Variants in SOX5 observed in about 807,000 individuals in gnomAD.
The protein encoded by SOX5 is transcription factor SOX-5.
Under a neutral mutation model 92.0 loss-of-function variants are expected in SOX5, and 9 were observed. The observed-to-expected ratio is 0.10, with a 90% CI of 0.06 to 0.17. The LOEUF (loss-of-function observed/expected upper bound fraction) is 0.17, where lower values mean the gene tolerates loss of function less well. Ranked by LOEUF, SOX5 falls within the 10% of genes least tolerant of loss-of-function variation. The probability of loss-of-function intolerance (pLI) is 1.00; values close to 1 mark genes in which losing one functional copy is unlikely to be tolerated. For missense variants in SOX5, 642 were observed against 944.5 expected, an observed-to-expected ratio of 0.68 and a Z score of 4.20; for synonymous variants, 344 against 336.3, an observed-to-expected ratio of 1.02 and a Z score of -0.25.
intron 6 of SOX5, among the ~76,000 whole-genome samples, chr12:23,672,241 C>T (rs537534252): frequency 3.3e-5 from 5 of 152,260 alleles, no homozygotes; most frequent in Non-Finnish European, 7.4e-5. Context: ...ATTCCTACCC[C>T]TCCTAAATGA....
intron 1 of SOX5, among the ~76,000 whole-genome samples, chr12:24,377,624 GTAC>G (rs760676090): frequency 1.3e-4 from 20 of 152,154 alleles, no homozygotes; most frequent in Non-Finnish European, 2.2e-4. Context: ...TGGAACCCAA[GTAC>G]CCTCTTTTCC....
At chr12:23,912,539 G>A (rs536252804) in intron 1 of SOX5, among the ~76,000 whole-genome samples, 2 of 152,180 alleles carry the variant, frequency 1.3e-5, no homozygotes, top group South Asian at 2.1e-4. Flanking sequence ...TGTACCCAAA[G>A]GTACATAACA....
At chr12:23,994,636 A>T (rs1358066108) in intron 4 of SOX5, among the ~76,000 whole-genome samples, 1 of 152,122 alleles carries the variant, frequency 6.6e-6, no homozygotes, top group African/African-American at 2.4e-5. Context: ...AAACTCACAC[A>T]TGAGCATGGT....
At chr12:24,298,522 T>A (rs1005921971) in intron 2 of SOX5, among the ~76,000 whole-genome samples, 22 of 152,176 alleles carry the variant, frequency 1.4e-4, no homozygotes, top group African/African-American at 4.8e-4. Flanking sequence ...TGGAGATGAG[T>A]AATAGGGCCA....
At chr12:24,459,133 C>T (rs1217989667) in intron 1 of SOX5, among the ~76,000 whole-genome samples, 2 of 152,194 alleles carry the variant, frequency 1.3e-5, no homozygotes, top group African/African-American at 4.8e-5. Flanking sequence ...GTCACTAAAG[C>T]TACCTTTCTT....
chr12:23,955,093 G>A (rs1224554828), upstream of SOX5, among the ~76,000 whole-genome samples: 1 of 152,018 alleles, frequency 6.6e-6, no homozygotes, highest in Non-Finnish European at 1.5e-5. Context: ...CAGGGCTGGA[G>A]AACATCAAAA....
At chr12:23,818,967 C>A (rs1594755994) in intron 3 of SOX5, among the ~76,000 whole-genome samples, 1 of 152,110 alleles carries the variant, frequency 6.6e-6, no homozygotes, top group East Asian at 1.9e-4. Flanking sequence ...ACAATGCCTT[C>A]TTCTGGAATA....
chr12:23,941,367 G>A (rs1477209413), intron 1 of SOX5, among the ~76,000 whole-genome samples: 2 of 151,490 alleles, frequency 1.3e-5, no homozygotes, highest in African/African-American at 4.8e-5. Flanking sequence ...AAAGCACTAA[G>A]TGTTCTTAAA....
intron 4 of SOX5, among the ~76,000 whole-genome samples, chr12:24,088,547 T>C (rs890648158): frequency 2.0e-5 from 3 of 151,890 alleles, no homozygotes; most frequent in Non-Finnish European, 4.4e-5. Context: ...ATTTGATAAC[T>C]TGAATCTAAG....
chr12:23,839,172 G>T (rs2096480539), intron 3 of SOX5, among the ~76,000 whole-genome samples: 1 of 151,900 alleles, frequency 6.6e-6, no homozygotes, highest in African/African-American at 2.4e-5. Context: ...AATGTCTCCT[G>T]CTAAGAAAAT....
chr12:23,694,852 C>G (rs1244852462), intron 6 of SOX5, among the ~76,000 whole-genome samples: 2 of 152,198 alleles, frequency 1.3e-5, no homozygotes, highest in African/African-American at 4.8e-5. Context: ...GGCACAGTGG[C>G]TCATGCCTGT....
At chr12:23,797,313 G>A (rs2095581853) in intron 3 of SOX5, among the ~76,000 whole-genome samples, 1 of 151,990 alleles carries the variant, frequency 6.6e-6, no homozygotes, top group African/African-American at 2.4e-5. Flanking sequence ...TTAAATGTAT[G>A]AGGATATACA....
chr12:24,445,861 G>A (rs2137251932), intron 1 of SOX5, among the ~76,000 whole-genome samples: 1 of 152,238 alleles, frequency 6.6e-6, no homozygotes. Context: ...ATGGGAACAG[G>A]GTTAGCTTTA....
intron 4 of SOX5, among the ~76,000 whole-genome samples, chr12:23,976,679 G>A (rs1027262474): frequency 7.2e-5 from 11 of 152,152 alleles, no homozygotes; most frequent in African/African-American, 2.4e-4. Flanking sequence ...ACAAAAGTCA[G>A]TAAGCAACGT....
chr12:23,781,611 C>T (rs1293332039), intron 3 of SOX5, among the ~76,000 whole-genome samples: 3 of 151,616 alleles, frequency 2.0e-5, no homozygotes, highest in African/African-American at 7.3e-5. Context: ...AATATATTAG[C>T]CAAAGAAAAT....
chr12:24,093,113 T>C (rs1273677207), intron 4 of SOX5, among the ~76,000 whole-genome samples: 3 of 152,214 alleles, frequency 2.0e-5, no homozygotes, highest in Admixed American at 1.3e-4. Context: ...GAGTGGTCTA[T>C]TAATCATCAA....
chr12:23,674,676 T>C (rs1349643289), intron 6 of SOX5, among the ~76,000 whole-genome samples: 1 of 152,118 alleles, frequency 6.6e-6, no homozygotes, highest in Non-Finnish European at 1.5e-5. Flanking sequence ...TTCTATTATG[T>C]CTTAAGAGAT....
At chr12:23,924,927 G>T (rs898410920) in intron 1 of SOX5, among the ~76,000 whole-genome samples, 3 of 151,716 alleles carry the variant, frequency 2.0e-5, no homozygotes, top group African/African-American at 7.3e-5. Context: ...ACCCAACTTT[G>T]TTCACTTGTT....
chr12:23,882,140 G>A (rs2096999458), intron 2 of SOX5, among the ~76,000 whole-genome samples: 1 of 152,084 alleles, frequency 6.6e-6, no homozygotes, highest in Non-Finnish European at 1.5e-5. Context: ...TAACAGGCGA[G>A]CTGTTATATT....
Sources: gnomAD v4.1 joint callset for allele counts (sites outside exome capture counted in the v4.1 genomes callset) on GRCh38, gnomAD v4.1.1 for gene constraint, MANE v1.5 for transcripts, NCBI Gene and HGNC (gene_info 2026-07-23, HGNC 2026-07-21) for gene names.